Variants in TACR3 observed in about 807,000 individuals in gnomAD.
The protein encoded by TACR3 is neuromedin-K receptor.
In TACR3, 34 loss-of-function variants were observed where a neutral mutation model predicts 35.0. The ratio of observed to expected loss-of-function variants is 0.97; its 90% CI spans 0.74 to 1.30. TACR3 has a LOEUF of 1.30. Among genes scored for constraint, TACR3 ranks in the 50% most tolerant of loss-of-function variants. TACR3 has a pLI of 0.00. For missense variants in TACR3, 558 were observed against 591.7 expected (o/e 0.94, Z 0.59); for synonymous variants, 233 against 221.1 (o/e 1.05, Z -0.48).
chr4:103,630,546 A>C (rs546833106), intron 3 of TACR3, among the ~76,000 whole-genome samples: 1 of 152,328 alleles, frequency 6.6e-6, no homozygotes, highest in South Asian at 2.1e-4. Flanking sequence ...TTCTCAAAAG[A>C]AGACATTTAT....
intron 3 of TACR3, among the ~76,000 whole-genome samples, chr4:103,643,719 T>A (rs1450757226): frequency 6.6e-6 from 1 of 151,790 alleles, no homozygotes; most frequent in African/African-American, 2.4e-5. Context: ...TCTATAATAA[T>A]TGATATAATT....
At chr4:103,630,291 G>C (rs1470368083) in intron 3 of TACR3, among the ~76,000 whole-genome samples, 1 of 152,170 alleles carries the variant, frequency 6.6e-6, no homozygotes, top group Non-Finnish European at 1.5e-5. Context: ...AGGACTTCAT[G>C]AATAAAACAC....
intron 3 of TACR3, among the ~76,000 whole-genome samples, chr4:103,596,842 G>A (rs989476078): frequency 2.6e-5 from 4 of 151,806 alleles, no homozygotes; most frequent in Admixed American, 2.6e-4. Flanking sequence ...CTGTGAGTGA[G>A]AACATGCAGT....
intron 1 of TACR3, among the ~76,000 whole-genome samples, chr4:103,716,375 A>T (rs1349642633): frequency 1.3e-5 from 2 of 152,112 alleles, no homozygotes; most frequent in East Asian, 3.8e-4. Context: ...GTTTCGCAGG[A>T]CTTTGTAGCA....
At chr4:103,658,054 C>T (rs1351659033) in intron 2 of TACR3, among the ~76,000 whole-genome samples, 161 bp downstream of exon 2, 1 of 152,176 alleles carries the variant, frequency 6.6e-6, no homozygotes, top group Non-Finnish European at 1.5e-5. Context: ...ATTGACCACA[C>T]ACAAATCATA....
intron 3 of TACR3, among the ~76,000 whole-genome samples, chr4:103,646,030 A>G (rs931552008): frequency 6.6e-6 from 1 of 151,944 alleles, no homozygotes; most frequent in African/African-American, 2.4e-5. Flanking sequence ...CTAGTTCCTA[A>G]TTCAGTCATT....
Position 103,719,273 on chromosome 4 carries a change from C to T in TACR3, c.403G>A (p.Ala135Thr). The change falls in exon 1 of 5, where the codon GCC (alanine) becomes ACC (threonine). Residue 135 changes from alanine to threonine, a missense_variant. Transcript: ENST00000304883. ...VNLAFSDASM[A>T]AFNTLVNFIY... ...AAATTGACCAACGTGTTGAAGGCGG[C>T]CATGGAGGCGTCGGAGAAAGCCAGG... is the stretch of plus-strand genomic sequence containing the variant. 6.2e-7 allele frequency: 1 copy of T among 1,614,218 alleles called. No individual in the cohort carries two copies. The highest frequency in any genetic ancestry group is 8.5e-7 in the Non-Finnish European group (1 of 1,180,042).
intron 1 of TACR3, among the ~76,000 whole-genome samples, chr4:103,688,376 AC>A (rs1722308869): frequency 6.6e-6 from 1 of 152,114 alleles, no homozygotes; most frequent in African/African-American, 2.4e-5. Flanking sequence ...AGCAATGGCA[AC>A]AAAAGCCAAA....
intron 1 of TACR3, among the ~76,000 whole-genome samples, chr4:103,693,897 T>G (rs565540119): frequency 6.6e-6 from 1 of 152,280 alleles, no homozygotes; most frequent in Admixed American, 6.5e-5. Flanking sequence ...GAGATATTTA[T>G]GTTAGTGCTC....
In TACR3 at chr4:103,586,756, A is replaced by G. The variant is rs939732566; in HGVS notation, c.*2926T>C. 2 of 152,076 alleles carry G rather than the reference A, an allele frequency of 1.3e-5. No homozygotes were observed. The highest frequency in any genetic ancestry group is 2.9e-5 in the Non-Finnish European group (2 of 68,010). The allele number at this position is 152,076 out of a possible 1,614,324, so 9.4% of individuals were successfully genotyped here. ...AATGCAACAGTGTGCTGTACTTGGT[A>G]AAAAATAAAAAAGTGTGAGAGTGAA... is the stretch of plus-strand genomic sequence containing the variant. On this transcript the variant is annotated 3_prime_UTR_variant, in exon 5 of 5. Coordinates refer to ENST00000304883, the MANE Select transcript of TACR3 (RefSeq NM_001059.3).
intron 3 of TACR3, among the ~76,000 whole-genome samples, chr4:103,654,157 G>T (rs1013988050): frequency 6.6e-6 from 1 of 151,536 alleles, no homozygotes; most frequent in Non-Finnish European, 1.5e-5. Context: ...CAGGGATCTA[G>T]AACTAGAAAT....
At chr4:103,641,889 T>C (rs972602419) in intron 3 of TACR3, among the ~76,000 whole-genome samples, 1 of 151,840 alleles carries the variant, frequency 6.6e-6, no homozygotes, top group Admixed American at 6.6e-5. Context: ...AGGCAAATAC[T>C]TCATAATCTC....
At chr4:103,699,486 G>A (rs1209946196) in intron 1 of TACR3, among the ~76,000 whole-genome samples, 2 of 152,184 alleles carry the variant, frequency 1.3e-5, no homozygotes, top group African/African-American at 4.8e-5. Flanking sequence ...ATGATTTGTA[G>A]AGGAGATATA....
At chr4:103,644,891 G>GA (rs1424183506) in intron 3 of TACR3, among the ~76,000 whole-genome samples, 1 of 151,770 alleles carries the variant, frequency 6.6e-6, no homozygotes, top group Non-Finnish European at 1.5e-5. Context: ...AATGTGTCCT[G>GA]AAAATGTAGA....
intron 3 of TACR3, among the ~76,000 whole-genome samples, chr4:103,652,302 G>A (rs1025502753): frequency 1.3e-5 from 2 of 152,098 alleles, no homozygotes; most frequent in African/African-American, 2.4e-5. Flanking sequence ...GGCTAGGGCT[G>A]GATTAAATAT....
Position 103,589,637 on chromosome 4 carries a change from G to A in TACR3, c.*45C>T, listed in dbSNP as rs200219136. 1.9e-6 allele frequency: 3 copies of A among 1,607,512 alleles called. No homozygotes were observed. Among genetic ancestry groups the A allele is most frequent in the Non-Finnish European group, 2.6e-6 (3 of 1,174,628 alleles). On this transcript the variant is annotated 3_prime_UTR_variant, in exon 5 of 5. Transcript: ENST00000304883. ...AATAGGAGAATGGGGTCCTAGACTG[G>A]CACCATGATGGTCTCACACTAATCT... is the stretch of plus-strand genomic sequence containing the variant.
At chr4:103,630,050 T>A (rs1193354418) in intron 3 of TACR3, among the ~76,000 whole-genome samples, 1 of 152,052 alleles carries the variant, frequency 6.6e-6, no homozygotes, top group African/African-American at 2.4e-5. Flanking sequence ...TCTACAACCA[T>A]CTGTTCTTTG....
At chr4:103,599,768 C>A (rs148447812) in intron 3 of TACR3, among the ~76,000 whole-genome samples, 1 of 152,054 alleles carries the variant, frequency 6.6e-6, no homozygotes, top group Non-Finnish European at 1.5e-5. Flanking sequence ...TGTTGATTTG[C>A]GTATGTCGAA....
chr4:103,717,138 T>G (rs1392738960), intron 1 of TACR3, among the ~76,000 whole-genome samples: 1 of 152,188 alleles, frequency 6.6e-6, no homozygotes, highest in East Asian at 1.9e-4. Context: ...ACTATTGGAC[T>G]GGTAATCTAT....
Sources: gnomAD v4.1 joint callset for allele counts (sites outside exome capture counted in the v4.1 genomes callset) on GRCh38, gnomAD v4.1.1 for gene constraint, MANE v1.5 for transcripts, NCBI Gene and HGNC (gene_info 2026-07-23, HGNC 2026-07-21) for gene names.